Variants in PIP5K1B observed in about 807,000 individuals in gnomAD.
PIP5K1B encodes phosphatidylinositol-4-phosphate 5-kinase type 1 beta.
In PIP5K1B, 42 loss-of-function variants were observed where a neutral mutation model predicts 67.0. That is an observed-to-expected ratio of 0.63 (90% confidence interval 0.49 to 0.81). The LOEUF (loss-of-function observed/expected upper bound fraction) is 0.81, where lower values mean the gene tolerates loss of function less well. Among genes scored for constraint, PIP5K1B ranks in the 30% least tolerant of loss-of-function variants. The probability of loss-of-function intolerance (pLI) is 0.00; values close to 1 mark genes in which losing one functional copy is unlikely to be tolerated. For missense variants in PIP5K1B, 459 were observed against 646.3 expected (o/e 0.71, Z 3.14); for synonymous variants, 214 against 231.4 (o/e 0.92, Z 0.68).
intron 15 of PIP5K1B, among the ~76,000 whole-genome samples, chr9:68,991,995 T>C (rs1047447983): frequency 2.2e-4 from 34 of 152,302 alleles, no homozygotes; most frequent in Non-Finnish European, 1.6e-4. Flanking sequence ...GGCAGAGTTT[T>C]GCTCTTGTTG....
intron 6 of PIP5K1B, among the ~76,000 whole-genome samples, chr9:68,887,018 G>A (rs1005544054): frequency 1.3e-4 from 20 of 152,226 alleles, no homozygotes; most frequent in African/African-American, 4.1e-4. Context: ...TGAAGTGCCC[G>A]TTCCCCAGAT....
chr9:68,788,502 T>TTGTTTTGTTTTG, intron 2 of PIP5K1B: 1 of 371,546 alleles, frequency 2.7e-6, no homozygotes, highest in Non-Finnish European at 4.9e-6. Context: ...TTGTTTTGTT[T>TTGTTTTGTTTTG]TTTAGTAATA....
intron 2 of PIP5K1B, among the ~76,000 whole-genome samples, chr9:68,767,389 T>A (rs1264715276): frequency 1.3e-5 from 2 of 151,234 alleles, no homozygotes; most frequent in Non-Finnish European, 3.0e-5. Context: ...AGGTCAGGAG[T>A]TCGAGACCAG....
intron 2 of PIP5K1B, among the ~76,000 whole-genome samples, chr9:68,816,154 G>C (rs564278162): frequency 2.0e-5 from 3 of 152,106 alleles, no homozygotes; most frequent in African/African-American, 7.2e-5. Flanking sequence ...TCGAGACAGA[G>C]TTTCATTCTT....
chr9:68,718,664 A>G (rs544288288), intron 1 of PIP5K1B, among the ~76,000 whole-genome samples: 50 of 152,298 alleles, frequency 3.3e-4, no homozygotes, highest in Non-Finnish European at 5.7e-4. Flanking sequence ...TTTTCCCAGC[A>G]TTGTCTCATC....
At chr9:68,727,498 G>A (rs1164603484) in intron 1 of PIP5K1B, 1 of 152,166 alleles carries the variant, frequency 6.6e-6, no homozygotes, top group African/African-American at 2.4e-5. Flanking sequence ...TGGGGAAGTG[G>A]TCTATGTTTA....
At chr9:68,945,102 T>C (rs1022303901) in intron 14 of PIP5K1B, among the ~76,000 whole-genome samples, 5 of 152,070 alleles carry the variant, frequency 3.3e-5, no homozygotes, top group Non-Finnish European at 5.9e-5. Context: ...ACTAAAATAT[T>C]TCTAGCAGGC....
chr9:68,824,393 T>C, intron 4 of PIP5K1B: 1 of 377,918 alleles, frequency 2.6e-6, no homozygotes, highest in Non-Finnish European at 5.1e-6. Context: ...ATAATTAGTA[T>C]AGGTAATTCT....
intron 14 of PIP5K1B, among the ~76,000 whole-genome samples, chr9:68,948,241 G>T (rs919089119): frequency 6.6e-6 from 1 of 152,172 alleles, no homozygotes; most frequent in East Asian, 1.9e-4. Flanking sequence ...TTGAAAGAAG[G>T]ATATTCCATT....
intron 1 of PIP5K1B, among the ~76,000 whole-genome samples, chr9:68,713,359 A>G (rs1216907144): frequency 6.6e-6 from 1 of 152,218 alleles, no homozygotes; most frequent in Non-Finnish European, 1.5e-5. Context: ...AGATCGCACC[A>G]TTGCACTCCA....
At chr9:68,865,842 A>G (rs1009441291) in intron 5 of PIP5K1B, among the ~76,000 whole-genome samples, 1 of 152,262 alleles carries the variant, frequency 6.6e-6, no homozygotes, top group African/African-American at 2.4e-5. Flanking sequence ...TTCTCAGCAC[A>G]GAAAGGTTTG....
rs141241047 is a variant in PIP5K1B, at chr9:68,836,959, A to G, written c.69+14276A>G. Among the ~76,000 whole-genome samples, 981 of 152,306 alleles carry G rather than the reference A, an allele frequency of 6.4e-3. 11 individuals are homozygous for G. Among genetic ancestry groups the G allele is most frequent in the African/African-American group, 0.023 (945 of 41,550 alleles). Reference sequence around the variant, plus strand: ...CCCCTCAGGCTTCCATTTCCATGAGAGAGGAATTTAAACCCACAGTCTACT... The same window carrying G: ...CCCCTCAGGCTTCCATTTCCATGAGGGAGGAATTTAAACCCACAGTCTACT... On this transcript the variant is annotated intron_variant, in intron 4 of 15. Coordinates refer to ENST00000265382, the MANE Select transcript of PIP5K1B (RefSeq NM_003558.4).
intron 2 of PIP5K1B, among the ~76,000 whole-genome samples, chr9:68,755,705 A>G (rs1248772142): frequency 6.6e-6 from 1 of 152,208 alleles, no homozygotes; most frequent in African/African-American, 2.4e-5. Flanking sequence ...ATGGTGGAAC[A>G]TTTAAATAAG....
chr9:68,970,527 G>A (rs908900115), intron 14 of PIP5K1B, among the ~76,000 whole-genome samples: 3 of 152,176 alleles, frequency 2.0e-5, no homozygotes, highest in Admixed American at 1.3e-4. Flanking sequence ...AGTAGGTTGT[G>A]AATACCAAGA....
At chr9:68,962,385 A>C (rs1390983830) in intron 14 of PIP5K1B, among the ~76,000 whole-genome samples, 2 of 152,264 alleles carry the variant, frequency 1.3e-5, no homozygotes, top group Admixed American at 1.3e-4. Context: ...ATTCAAAATC[A>C]TAAGACTTAT....
At chr9:68,992,750 G>A (rs1181209136) in intron 15 of PIP5K1B, among the ~76,000 whole-genome samples, 1 of 142,972 alleles carries the variant, frequency 7.0e-6, no homozygotes, top group African/African-American at 2.6e-5. Flanking sequence ...TGAGGTAGGA[G>A]AATCACTTGC....
intron 14 of PIP5K1B, among the ~76,000 whole-genome samples, chr9:68,957,069 AGTGACACTCTTATGTATCCAG>A (rs1387535305): frequency 6.6e-6 from 1 of 152,214 alleles, no homozygotes; most frequent in Non-Finnish European, 1.5e-5. Flanking sequence ...ACAGCTGCAC[AGTGACACTCTTATGTATCCAG>A]GTTCTTTCCA....
intron 2 of PIP5K1B, among the ~76,000 whole-genome samples, chr9:68,767,419 C>T (rs867103999): frequency 2.0e-5 from 3 of 151,780 alleles, no homozygotes; most frequent in Non-Finnish European, 4.4e-5. Context: ...CATGGTGAAA[C>T]CGCGTCTCTA....
intron 15 of PIP5K1B, among the ~76,000 whole-genome samples, chr9:68,999,864 G>C (rs1830742506): frequency 6.6e-6 from 1 of 152,212 alleles, no homozygotes; most frequent in Non-Finnish European, 1.5e-5. Context: ...CCCTAGAGTT[G>C]AAACGTAATG....
Sources: allele counts gnomAD v4.1 joint callset (sites outside exome capture counted in the v4.1 genomes callset), GRCh38; gene constraint gnomAD v4.1.1; transcripts MANE v1.5; gene names NCBI Gene and HGNC (gene_info 2026-07-23, HGNC 2026-07-21).